Variants in ANKRD45 observed in about 807,000 individuals in gnomAD.
The protein encoded by ANKRD45 is ankyrin repeat domain-containing protein 45.
In ANKRD45, 21 loss-of-function variants were observed where a neutral mutation model predicts 28.1. The ratio of observed to expected loss-of-function variants is 0.75; its 90% CI spans 0.53 to 1.08. ANKRD45 has a LOEUF of 1.08. Ranked by LOEUF, ANKRD45 falls within the 50% of genes least tolerant of loss-of-function variation. The pLI, the probability that ANKRD45 is intolerant of heterozygous loss-of-function variation, is 0.00. For missense variants in ANKRD45, 261 were observed against 308.7 expected, an observed-to-expected ratio of 0.85 and a Z score of 1.16; for synonymous variants, 86 against 103.9, an observed-to-expected ratio of 0.83 and a Z score of 1.05.
chr1:173,629,626 A>G (rs11484566), intron 3 of ANKRD45, among the ~76,000 whole-genome samples: 8,344 of 152,126 alleles, frequency 0.055, 750 homozygotes, highest in African/African-American at 0.19. Context: ...AAAAGAAAAA[A>G]GAATAAAAAA....
intron 5 of ANKRD45, among the ~76,000 whole-genome samples, chr1:173,622,574 T>C (rs1667749797): frequency 6.6e-6 from 1 of 152,202 alleles, no homozygotes; most frequent in African/African-American, 2.4e-5. Flanking sequence ...CCCTATTTAA[T>C]AAATGGTGTT....
intron 5 of ANKRD45, among the ~76,000 whole-genome samples, chr1:173,621,754 G>A (rs1168259654): frequency 1.3e-5 from 2 of 152,122 alleles, no homozygotes; most frequent in Non-Finnish European, 2.9e-5. Context: ...CACAAGACAA[G>A]GATGCCCTCT....
At chr1:173,709,769 C>A in the ANKRD45 span, among the ~76,000 whole-genome samples, 1 of 152,050 alleles carries the variant, frequency 6.6e-6, no homozygotes, top group Admixed American at 6.6e-5. Flanking sequence ...GTAGCTGGGA[C>A]TAGAGGCATG....
chr1:173,610,053 A>G lies in ANKRD45; in HGVS notation c.*92T>C. 2.3e-6 allele frequency: 3 copies of G among 1,297,600 alleles called. No homozygotes were observed. Among genetic ancestry groups the G allele is most frequent in the Non-Finnish European group, 3.3e-6 (3 of 904,930 alleles). 80.4% of individuals were successfully genotyped at this position (1,297,600 alleles called of 1,614,324 possible). A position where few individuals can be genotyped will look rare whatever the true frequency, so the allele number is the denominator to read the frequency against. On this transcript the variant is annotated 3_prime_UTR_variant, in exon 6 of 6. Transcript: ENST00000333279. ...TAATGTTGTACTTAAATACTTAAAG[A>G]AACCCACATCTGTTTTCTCGATTTC...
the ANKRD45 span, among the ~76,000 whole-genome samples, chr1:173,698,377 A>ATT: frequency 7.2e-5 from 11 of 152,188 alleles, no homozygotes; most frequent in African/African-American, 2.7e-4. Flanking sequence ...CATTCTTCTC[A>ATT]GCACCACATT....
chr1:173,632,708 C>A (rs1314043554), intron 3 of ANKRD45, among the ~76,000 whole-genome samples: 1 of 151,914 alleles, frequency 6.6e-6, no homozygotes, highest in Non-Finnish European at 1.5e-5. Context: ...AAGGATGTTT[C>A]AACAAATGCA....
At chr1:173,619,752 C>A (rs1377910666) in intron 5 of ANKRD45, among the ~76,000 whole-genome samples, 1 of 151,130 alleles carries the variant, frequency 6.6e-6, no homozygotes, top group Non-Finnish European at 1.5e-5. Flanking sequence ...CGCTTGAACC[C>A]AGGAGACGAA....
chr1:173,665,856 G>C (rs1669994066), intron 1 of ANKRD45, among the ~76,000 whole-genome samples: 1 of 150,240 alleles, frequency 6.7e-6, no homozygotes. Context: ...AAAAAATACA[G>C]AAAAAAAAAT....
At chr1:173,613,744 C>T (rs992120423) in intron 5 of ANKRD45, among the ~76,000 whole-genome samples, 1 of 152,144 alleles carries the variant, frequency 6.6e-6, no homozygotes, top group African/African-American at 2.4e-5. Context: ...CCCCTCTACC[C>T]GGCCACCACC....
At chr1:173,657,625 C>CTTCTTTTTTTTT (rs1669595690) in intron 2 of ANKRD45, 2 of 70,694 alleles carry the variant, frequency 2.8e-5, no homozygotes, top group African/African-American at 9.5e-5. Context: ...TCTTCTTCTT[C>CTTCTTTTTTTTT]TTTTTTTTTT....
intron 3 of ANKRD45, among the ~76,000 whole-genome samples, chr1:173,633,098 A>G (rs1668267068): frequency 1.3e-5 from 2 of 152,074 alleles, no homozygotes; most frequent in African/African-American, 4.8e-5. Flanking sequence ...GGAAAAGTGT[A>G]AAGACTCCAC....
upstream of ANKRD45, among the ~76,000 whole-genome samples, chr1:173,671,473 T>A (rs1670255588): frequency 6.6e-6 from 1 of 152,124 alleles, no homozygotes; most frequent in Non-Finnish European, 1.5e-5. Flanking sequence ...ACACTGCACG[T>A]GCTCCTCTCC....
intron 3 of ANKRD45, chr1:173,636,888 A>G (rs749260114): frequency 5.2e-6 from 8 of 1,535,802 alleles, no homozygotes; most frequent in East Asian, 2.4e-5. Context: ...TTGATCAACA[A>G]CATTGACCAA....
At chr1:173,625,284 C>T (rs1236777588) in intron 4 of ANKRD45, among the ~76,000 whole-genome samples, 1 of 151,906 alleles carries the variant, frequency 6.6e-6, no homozygotes, top group African/African-American at 2.4e-5. Context: ...ACACTTTCTC[C>T]CTAATTCTTT....
upstream of ANKRD45, among the ~76,000 whole-genome samples, chr1:173,674,626 G>A (rs944710059): frequency 6.6e-6 from 1 of 152,134 alleles, no homozygotes; most frequent in Non-Finnish European, 1.5e-5. Context: ...ACTCGAAGCA[G>A]GGGGGTTAGA....
chr1:173,691,312 CCT>C, the ANKRD45 span, among the ~76,000 whole-genome samples: 3 of 152,280 alleles, frequency 2.0e-5, no homozygotes, highest in Admixed American at 6.5e-5. Flanking sequence ...ATTTCTCACC[CCT>C]GAGGCCGCCA....
At chr1:173,616,794 A>G (rs933623647) in intron 5 of ANKRD45, among the ~76,000 whole-genome samples, 2 of 152,220 alleles carry the variant, frequency 1.3e-5, no homozygotes, top group African/African-American at 4.8e-5. Context: ...AAATAAAAAC[A>G]GTGAGTGAAT....
In ANKRD45 at chr1:173,648,005, C is replaced by T. The variant is rs568726940; in HGVS notation, c.329-992G>A. Among the ~76,000 whole-genome samples, 20 of 152,012 alleles carry T rather than the reference C, an allele frequency of 1.3e-4. No homozygotes were observed. The South Asian group carries it at 2.9e-3, about 22-fold the overall frequency. On this transcript the variant is annotated intron_variant, in intron 2 of 5. Transcript: ENST00000333279. Reference sequence around the variant, plus strand: ...GTTGCCAGGCTGGAGTGCGGTGGCACGATCTCGGCTCACTGCAACCTCCGT... The same window carrying T: ...GTTGCCAGGCTGGAGTGCGGTGGCATGATCTCGGCTCACTGCAACCTCCGT...
chr1:173,613,850 T>TA (rs1264343311), intron 5 of ANKRD45, among the ~76,000 whole-genome samples: 1 of 152,170 alleles, frequency 6.6e-6, no homozygotes, highest in African/African-American at 2.4e-5. Context: ...GGGGAAAAGA[T>TA]AGAGAAATCA....
Sources: gnomAD v4.1 joint callset for allele counts (sites outside exome capture counted in the v4.1 genomes callset) on GRCh38, gnomAD v4.1.1 for gene constraint, MANE v1.5 for transcripts, NCBI Gene and HGNC (gene_info 2026-07-23, HGNC 2026-07-21) for gene names.